The following BMPR1A variants were observed in gnomAD, a reference collection of about 807,000 sequenced individuals.
BMPR1A encodes bone morphogenetic protein receptor type-1A.
Under a neutral mutation model 66.0 loss-of-function variants are expected in BMPR1A, and 7 were observed. The ratio of observed to expected loss-of-function variants is 0.11; its 90% CI spans 0.06 to 0.20. The LOEUF (loss-of-function observed/expected upper bound fraction) is 0.20, where lower values mean the gene tolerates loss of function less well. Ranked by LOEUF, BMPR1A falls within the 10% of genes least tolerant of loss-of-function variation. The probability of loss-of-function intolerance (pLI) is 1.00; values close to 1 mark genes in which losing one functional copy is unlikely to be tolerated. For missense variants in BMPR1A, 408 were observed against 669.1 expected (o/e 0.61, Z 4.31); for synonymous variants, 200 against 229.7 (o/e 0.87, Z 1.17).
chr10:86,837,247 C>CTGTGTGTGTGTGTGTCTGTGTGTGTGTG (rs566199959), intron 1 of BMPR1A, among the ~76,000 whole-genome samples: 1 of 138,106 alleles, frequency 7.2e-6, no homozygotes, highest in African/African-American at 2.7e-5. Context: ...GTGTGTGTGT[C>CTGTGTGTGTGTGTGTCTGTGTGTGTGTG]TGTGTGTGTG....
intron 1 of BMPR1A, among the ~76,000 whole-genome samples, chr10:86,832,526 T>C (rs1296455101): frequency 6.6e-6 from 1 of 152,168 alleles, no homozygotes; most frequent in East Asian, 1.9e-4. Flanking sequence ...TTTTTAACTT[T>C]AGTAAATTTT....
chr10:86,912,123 TA>T (rs1843498772), intron 7 of BMPR1A, 116 bp from the exon 8 acceptor site: 3 of 1,104,770 alleles, frequency 2.7e-6, no homozygotes, highest in Non-Finnish European at 2.7e-6. Flanking sequence ...ATGATAAGAC[TA>T]ATTTGGATAG....
rs1060504909 is a variant in BMPR1A at position 86,876,094 on chromosome 10, G to T, written c.67+9G>T. On this transcript the variant is annotated intron_variant, in intron 3 of 12. Transcript: ENST00000372037. Reference sequence around the variant, plus strand: ...CATTTCTCGTGTTCAAGGTAAATCAGTGTTCATTTTAGTAATGTATGTGTG... The same window carrying T: ...CATTTCTCGTGTTCAAGGTAAATCATTGTTCATTTTAGTAATGTATGTGTG... 5.6e-6 allele frequency: 9 copies of T among 1,605,914 alleles called. No individual in the cohort carries two copies. Among genetic ancestry groups the T allele is most frequent in the Non-Finnish European group, 6.8e-6 (8 of 1,172,840 alleles).
chr10:86,893,193 A>G (rs1343021707), intron 5 of BMPR1A, among the ~76,000 whole-genome samples: 1 of 152,138 alleles, frequency 6.6e-6, no homozygotes, highest in East Asian at 1.9e-4. Flanking sequence ...GAGACAACTT[A>G]GAAATGTTAA....
intron 1 of BMPR1A, among the ~76,000 whole-genome samples, chr10:86,800,029 A>G (rs141733241): frequency 6.6e-6 from 1 of 152,286 alleles, no homozygotes; most frequent in East Asian, 1.9e-4. Context: ...ATGAACCATG[A>G]TTCTTTAACA....
chr10:86,849,630 A>G (rs1842538608), intron 2 of BMPR1A, among the ~76,000 whole-genome samples: 1 of 152,218 alleles, frequency 6.6e-6, no homozygotes, highest in African/African-American at 2.4e-5. Flanking sequence ...ACTCTCCGAT[A>G]TGGTTGTCAT....
chr10:86,862,425 G>A, intron 2 of BMPR1A, among the ~76,000 whole-genome samples: 1 of 152,188 alleles, frequency 6.6e-6, no homozygotes, highest in East Asian at 1.9e-4. Context: ...TGGACCACTG[G>A]AGACTTTAGC....
rs1474837970 is a variant in BMPR1A, at chr10:86,927,914, A to G, written c.*4195A>G. ...AGTTTACCATTACTTGCTTTGTTCTATATACAGATTATGTCCAATGTATCA... is the reference window on the plus strand; with the variant it reads ...AGTTTACCATTACTTGCTTTGTTCTGTATACAGATTATGTCCAATGTATCA... On this transcript the variant is annotated 3_prime_UTR_variant, in exon 13 of 13. Coordinates refer to ENST00000372037, the MANE Select transcript of BMPR1A (RefSeq NM_004329.3). 1 of 186,308 alleles carries G rather than the reference A, an allele frequency of 5.4e-6. No individual in the cohort carries two copies. Among genetic ancestry groups the G allele is most frequent in the East Asian group, 8.7e-5 (1 of 11,466 alleles). 11.5% of individuals were successfully genotyped at this position (186,308 alleles called of 1,614,324 possible).
intron 3 of BMPR1A, among the ~76,000 whole-genome samples, chr10:86,889,415 C>A (rs1564714556): frequency 6.6e-6 from 1 of 152,226 alleles, no homozygotes; most frequent in Non-Finnish European, 1.5e-5. Context: ...TCCTTTTCCA[C>A]ATAGAGGCAC....
At chr10:86,870,761 A>C (rs772447734) in intron 2 of BMPR1A, among the ~76,000 whole-genome samples, 21 of 151,812 alleles carry the variant, frequency 1.4e-4, no homozygotes, top group Non-Finnish European at 2.9e-4. Context: ...TCCATCCACT[A>C]TACCACTGCC....
intron 11 of BMPR1A, among the ~76,000 whole-genome samples, chr10:86,922,330 T>C (rs1187923315): frequency 6.6e-6 from 1 of 152,208 alleles, no homozygotes. Context: ...TGCTTCCACA[T>C]CTTGGCTATT....
At chr10:86,803,773 G>T (rs939067392) in intron 1 of BMPR1A, among the ~76,000 whole-genome samples, 1 of 152,042 alleles carries the variant, frequency 6.6e-6, no homozygotes, top group Admixed American at 6.6e-5. Context: ...AAAAGTCGAG[G>T]ATATTTGTTT....
chr10:86,862,462 G>A (rs1255854496), intron 2 of BMPR1A, among the ~76,000 whole-genome samples: 1 of 152,164 alleles, frequency 6.6e-6, no homozygotes, highest in Non-Finnish European at 1.5e-5. Flanking sequence ...TTGGAGCACC[G>A]TTGGAGGGAT....
chr10:86,808,914 T>A (rs954421424), intron 1 of BMPR1A, among the ~76,000 whole-genome samples: 3 of 152,206 alleles, frequency 2.0e-5, no homozygotes, highest in African/African-American at 7.2e-5. Context: ...TCATCACAGG[T>A]TACTTATAGG....
downstream of BMPR1A, chr10:86,931,298 C>CATATATATATATATATATATATATATAT (rs1175375580): frequency 9.9e-5 from 9 of 90,840 alleles, no homozygotes; most frequent in East Asian, 9.1e-4. Context: ...CACACACACA[C>CATATATATATATATATATATATATATAT]ATATATATAT....
At chr10:86,840,295 C>T (rs895677202) in intron 2 of BMPR1A, among the ~76,000 whole-genome samples, 2 of 152,128 alleles carry the variant, frequency 1.3e-5, no homozygotes, top group Admixed American at 6.5e-5. Context: ...CCTGCCAAAC[C>T]GCTGGATTAG....
chr10:86,884,202 A>T (rs982791649), intron 3 of BMPR1A, among the ~76,000 whole-genome samples: 1 of 151,632 alleles, frequency 6.6e-6, no homozygotes, highest in Non-Finnish European at 1.5e-5. Flanking sequence ...CTTCCGCCTC[A>T]GCCACCCAAG....
chr10:86,812,455 A>G (rs1841984308), intron 1 of BMPR1A, among the ~76,000 whole-genome samples: 1 of 152,192 alleles, frequency 6.6e-6, no homozygotes, highest in South Asian at 2.1e-4. Flanking sequence ...TTTGGCGATG[A>G]TGAATAGAGC....
At chr10:86,768,480 C>T (rs1025935370) in intron 1 of BMPR1A, among the ~76,000 whole-genome samples, 3 of 152,086 alleles carry the variant, frequency 2.0e-5, no homozygotes, top group African/African-American at 7.2e-5. Flanking sequence ...ATTATGCACT[C>T]TTCCCTGTTT....
Sources: gnomAD v4.1 joint callset for allele counts (sites outside exome capture counted in the v4.1 genomes callset) on GRCh38, gnomAD v4.1.1 for gene constraint, MANE v1.5 for transcripts, NCBI Gene and HGNC (gene_info 2026-07-23, HGNC 2026-07-21) for gene names.